TAF3: variants seen among roughly 807,000 people sequenced by gnomAD.
The protein encoded by TAF3 is transcription initiation factor TFIID subunit 3.
TAF3 carries 7 observed loss-of-function variants against 80.6 expected under a neutral mutation model. The observed-to-expected ratio is 0.09, with a 90% CI of 0.05 to 0.16. TAF3 has a LOEUF of 0.16. Among genes scored for constraint, TAF3 ranks in the 10% least tolerant of loss-of-function variants. TAF3 has a pLI of 1.00. For missense variants in TAF3, 921 were observed against 1,140.2 expected (o/e 0.81, Z 2.77); for synonymous variants, 444 against 446.1 (o/e 1.00, Z 0.06).
At chr10:7,862,909 A>G (rs1188418991) in intron 2 of TAF3, among the ~76,000 whole-genome samples, 1 of 152,182 alleles carries the variant, frequency 6.6e-6, no homozygotes, top group Non-Finnish European at 1.5e-5. Context: ...CATTACGTGT[A>G]TATGCCACAA....
chr10:7,954,262 G>A (rs1435873600), intron 2 of TAF3, among the ~76,000 whole-genome samples: 2 of 137,554 alleles, frequency 1.5e-5, no homozygotes, highest in Non-Finnish European at 3.2e-5. Context: ...AGGTGAATGA[G>A]TGGATTAGTC....
At position 7,987,951 on chromosome 10, in the gene TAF3, T is replaced by A. The variant is rs777894514; in HGVS notation, c.2315+10628T>A. 3.3e-5 allele frequency among the ~76,000 whole-genome samples: 5 copies of A among 152,182 alleles called. No individual in the cohort carries two copies. The East Asian group carries it at 9.6e-4, about 29-fold the overall frequency. On this transcript the variant is annotated intron_variant, in intron 4 of 6. Transcript: ENST00000344293. ...TTTTCTTCATTAAGTGCACTACTCA[T>A]GTGAACATAATACTACAGAGAATTG...
intron 2 of TAF3, among the ~76,000 whole-genome samples, chr10:7,889,778 G>A (rs891406434): frequency 6.6e-6 from 1 of 152,162 alleles, no homozygotes; most frequent in African/African-American, 2.4e-5. Context: ...GTAAAAGCCT[G>A]GGTGGCCTCT....
At chr10:7,921,840 A>G (rs777780054) in intron 2 of TAF3, among the ~76,000 whole-genome samples, 1 of 152,076 alleles carries the variant, frequency 6.6e-6, no homozygotes, top group Non-Finnish European at 1.5e-5. Flanking sequence ...TTTTAAAATG[A>G]TTTTTCTTTT....
intron 2 of TAF3, among the ~76,000 whole-genome samples, chr10:7,864,479 A>C (rs1837189819): frequency 6.6e-6 from 1 of 152,246 alleles, no homozygotes; most frequent in African/African-American, 2.4e-5. Context: ...AAAATACTAC[A>C]GTATATTATT....
At chr10:7,843,896 G>A (rs1386040965) in intron 2 of TAF3, among the ~76,000 whole-genome samples, 1 of 151,960 alleles carries the variant, frequency 6.6e-6, no homozygotes, top group East Asian at 1.9e-4. Context: ...AAATTTTGCA[G>A]TATAAATAAG....
chr10:7,858,854 ACGTGTGAGTGTG>A (rs1564349616), intron 2 of TAF3, among the ~76,000 whole-genome samples: 1 of 151,820 alleles, frequency 6.6e-6, no homozygotes, highest in Non-Finnish European at 1.5e-5. Context: ...CACTGAATGT[ACGTGTGAGTGTG>A]CGTGTGTGCA....
intron 2 of TAF3, among the ~76,000 whole-genome samples, chr10:7,846,849 G>T (rs1027438980): frequency 6.6e-6 from 1 of 152,108 alleles, no homozygotes; most frequent in South Asian, 2.1e-4. Context: ...ATAAGTGGAA[G>T]AATGATGAAA....
chr10:7,883,610 A>G (rs1837381369), intron 2 of TAF3, among the ~76,000 whole-genome samples: 1 of 152,196 alleles, frequency 6.6e-6, no homozygotes, highest in Non-Finnish European at 1.5e-5. Flanking sequence ...ATCTTTACTC[A>G]TATTAATTAT....
intron 2 of TAF3, among the ~76,000 whole-genome samples, chr10:7,953,550 A>G (rs1481284874): frequency 1.3e-5 from 2 of 152,184 alleles, no homozygotes; most frequent in Admixed American, 6.5e-5. Context: ...CTGTGAACCG[A>G]TCCCAGGTGT....
chr10:7,894,442 G>A (rs1588542099), intron 2 of TAF3, among the ~76,000 whole-genome samples: 2 of 152,180 alleles, frequency 1.3e-5, no homozygotes, highest in Non-Finnish European at 2.9e-5. Context: ...GTGGAGAGGT[G>A]GTATCCATGT....
chr10:7,988,572 C>CAAAAAAAA (rs58825999), intron 4 of TAF3, among the ~76,000 whole-genome samples: 1,371 of 49,212 alleles, frequency 0.028, 241 homozygotes, highest in Non-Finnish European at 0.04. Context: ...GACCCTGTCT[C>CAAAAAAAA]AAAAAAAAAA....
Position 8,014,854 on chromosome 10 carries a change from G to A in TAF3, c.*103G>A. The A allele has an allele frequency of 4.0e-6, 4 of 999,896 alleles. No individual in the cohort carries two copies. Among genetic ancestry groups the A allele is most frequent in the Non-Finnish European group, 5.8e-6 (4 of 685,608 alleles). The allele number at this position is 999,896 out of a possible 1,614,324, so 61.9% of individuals were successfully genotyped here. On this transcript the variant is annotated 3_prime_UTR_variant, in exon 7 of 7. Transcript: ENST00000344293. ...TCTGCCGTCACATCCACCCCCAGAT[G>A]CCTGTGGATAAAGAACCCAGGAGGA...
chr10:8,003,462 AAC>A (rs1345146194), intron 4 of TAF3, among the ~76,000 whole-genome samples: 1 of 152,212 alleles, frequency 6.6e-6, no homozygotes, highest in Non-Finnish European at 1.5e-5. Context: ...TAAGTCAGTG[AAC>A]CAGTATTTTC....
chr10:7,919,981 C>T (rs913934951), intron 2 of TAF3, among the ~76,000 whole-genome samples: 24 of 152,134 alleles, frequency 1.6e-4, no homozygotes, highest in African/African-American at 5.8e-4. Flanking sequence ...TGTGGTGGCT[C>T]ATGCTGGTAA....
chr10:7,979,580 A>G (rs1289284418), intron 4 of TAF3, among the ~76,000 whole-genome samples: 1 of 152,170 alleles, frequency 6.6e-6, no homozygotes, highest in Non-Finnish European at 1.5e-5. Context: ...TTGAAAGCAT[A>G]TTATATATCA....
intron 3 of TAF3, among the ~76,000 whole-genome samples, chr10:7,972,386 CTAATT>C: frequency 6.6e-6 from 1 of 152,260 alleles, no homozygotes; most frequent in East Asian, 1.9e-4. Context: ...CAAGTTAAAT[CTAATT>C]TAACTTGTTT....
chr10:7,943,480 C>T (rs1033396159), intron 2 of TAF3, among the ~76,000 whole-genome samples: 1 of 152,142 alleles, frequency 6.6e-6, no homozygotes, highest in Non-Finnish European at 1.5e-5. Context: ...GCCTTAAAAC[C>T]ATGGCTTCCA....
At chr10:7,902,457 G>A (rs1444746622) in intron 2 of TAF3, among the ~76,000 whole-genome samples, 2 of 152,064 alleles carry the variant, frequency 1.3e-5, no homozygotes, top group Non-Finnish European at 2.9e-5. Flanking sequence ...TCTTTTCTTA[G>A]GAGATGTTAT....
Sources: gnomAD v4.1 joint callset for allele counts (sites outside exome capture counted in the v4.1 genomes callset) on GRCh38, gnomAD v4.1.1 for gene constraint, MANE v1.5 for transcripts, NCBI Gene and HGNC (gene_info 2026-07-23, HGNC 2026-07-21) for gene names.